RPA1: variants seen among roughly 807,000 people sequenced by gnomAD.
RPA1 encodes the protein replication protein A 70 kDa DNA-binding subunit.
Under a neutral mutation model 83.0 loss-of-function variants are expected in RPA1, and 49 were observed. The observed-to-expected ratio is 0.59, with a 90% CI of 0.47 to 0.75. The LOEUF is 0.75. Ranked by LOEUF, RPA1 falls within the 30% of genes least tolerant of loss-of-function variation. The probability of loss-of-function intolerance (pLI) is 0.00; values close to 1 mark genes in which losing one functional copy is unlikely to be tolerated. For missense variants in RPA1, 693 were observed against 776.1 expected, an observed-to-expected ratio of 0.89 and a Z score of 1.27; for synonymous variants, 279 against 281.8, an observed-to-expected ratio of 0.99 and a Z score of 0.10.
Position 1,888,724 on chromosome 17 carries a change from A to G in RPA1, c.1424A>G (p.Asn475Ser), listed in dbSNP as rs1914090032. 2 of 1,614,224 alleles carry G rather than the reference A, an allele frequency of 1.2e-6. No homozygotes were observed. Among genetic ancestry groups the G allele is most frequent in the Admixed American group, 3.3e-5 (2 of 60,022 alleles). ...VATVVYLRKE[N>S]CMYQACPTQD... is the part of the protein sequence containing the mutation. ...ACAGTGGTGTATCTTCGCAAAGAGA[A>G]CTGCATGTACCAAGCCTGCCCGACT... Residue 475 changes from asparagine to serine, a missense_variant, in exon 14 of 17, where the codon AAC becomes AGC. Physicochemically the swap from Asn to Ser is conservative, Grantham distance 46 (BLOSUM62 1). Transcript: ENST00000254719.
intron 4 of RPA1, among the ~76,000 whole-genome samples, chr17:1,850,977 C>A (rs1171297931): frequency 6.6e-6 from 1 of 152,038 alleles, no homozygotes; most frequent in Non-Finnish European, 1.5e-5. Flanking sequence ...CTTTAAACAT[C>A]TACAAACATA....
chr17:1,847,545 T>A (rs1912308604), intron 4 of RPA1, among the ~76,000 whole-genome samples: 1 of 152,226 alleles, frequency 6.6e-6, no homozygotes, highest in Non-Finnish European at 1.5e-5. Context: ...TGGGTTTATT[T>A]ACTCCTTGCT....
At chr17:1,876,381 C>T (rs776786006) in intron 7 of RPA1, among the ~76,000 whole-genome samples, 3 of 152,080 alleles carry the variant, frequency 2.0e-5, no homozygotes, top group Non-Finnish European at 4.4e-5. Flanking sequence ...ATGGTGAAAC[C>T]GTGTCTCTAC....
intron 1 of RPA1, among the ~76,000 whole-genome samples, chr17:1,836,906 C>T (rs945776009): frequency 2.4e-4 from 36 of 150,710 alleles, no homozygotes; most frequent in African/African-American, 8.5e-4. Flanking sequence ...GGCGCAATCT[C>T]AGCTCACTGC....
At chr17:1,850,054 C>T (rs1912427869) in intron 4 of RPA1, among the ~76,000 whole-genome samples, 1 of 151,200 alleles carries the variant, frequency 6.6e-6, no homozygotes, top group African/African-American at 2.4e-5. Flanking sequence ...TGCCTATAGT[C>T]CCAGCTACTC....
chr17:1,884,819 C>T lies in RPA1; in HGVS notation c.1374+875C>T, dbSNP rs1913931073. ...TGAGCCCAGGAGTTCGACTGAGCAA[C>T]ATGGAAGACCCCTTCTCTTGAAACA... On this transcript the variant is annotated intron_variant, in intron 13 of 16. Transcript: ENST00000254719. This position sits in a 1 kb window ranked among gnomAD's most constrained non-coding sequence, Gnocchi z 4.1. Among the ~76,000 whole-genome samples, 1 of 152,210 alleles carries T rather than the reference C, an allele frequency of 6.6e-6. No individual in the cohort carries two copies. The highest frequency in any genetic ancestry group is 1.5e-5 in the Non-Finnish European group (1 of 68,048).
chr17:1,883,991 A>G, intron 13 of RPA1, 47 bp downstream of exon 13: 5 of 1,605,196 alleles, frequency 3.1e-6, no homozygotes, highest in Non-Finnish European at 4.3e-6. Context: ...TAAAGTGTGC[A>G]GAAGGATGGA....
At chr17:1,882,057 A>G (rs988631336) in intron 12 of RPA1, among the ~76,000 whole-genome samples, 7 of 152,106 alleles carry the variant, frequency 4.6e-5, no homozygotes, top group East Asian at 1.9e-4. Flanking sequence ...AGCTCAGGGT[A>G]ACATCCATTC....
Position 1,897,378 on chromosome 17 carries a change from G to A in RPA1, c.*203G>A. The A allele has an allele frequency of 1.9e-6, 1 of 530,456 alleles. No individual in the cohort carries two copies. 32.9% of individuals were successfully genotyped at this position (530,456 alleles called of 1,614,324 possible). Reference sequence around the variant, plus strand: ...CTCAGGTGGTTGTGGTGTAGACTGTGTCAGGCCTACGGAGTCAGCCAGTGG... The same window carrying A: ...CTCAGGTGGTTGTGGTGTAGACTGTATCAGGCCTACGGAGTCAGCCAGTGG... On this transcript the variant is annotated 3_prime_UTR_variant, in exon 17 of 17. Transcript: ENST00000254719.
intron 1 of RPA1, among the ~76,000 whole-genome samples, chr17:1,835,119 G>T (rs1488938527): frequency 2.0e-5 from 3 of 152,002 alleles, no homozygotes; most frequent in African/African-American, 7.3e-5. Flanking sequence ...CCCAAGTCCT[G>T]GGATTACAGA....
At chr17:1,838,332 A>G (rs911273866) in intron 1 of RPA1, among the ~76,000 whole-genome samples, 1 of 142,494 alleles carries the variant, frequency 7.0e-6, no homozygotes. Flanking sequence ...AGCAGGGTGC[A>G]GTGGCTAACG....
rs770316462 is a variant in RPA1, at chr17:1,888,810, G to A, written c.1510G>A (p.Asp504Asn). The A allele has an allele frequency of 5.6e-6, 9 of 1,614,056 alleles. No homozygotes were observed. The highest frequency in any genetic ancestry group is 1.1e-5 in the South Asian group (1 of 91,064). ...QNGLYRCEKC[D>N]TEFPNFKYRM... The stretch of plus-strand genomic sequence containing the variant: ...TGGATTGTACCGCTGTGAGAAGTGC[G>A]ACACCGAATTTCCCAATTTCAAGTA... The change falls in exon 14 of 17, where the codon GAC (aspartate) becomes AAC (asparagine). Residue 504 changes from aspartate to asparagine, a missense_variant. Transcript: ENST00000254719.
intron 11 of RPA1, among the ~76,000 whole-genome samples, chr17:1,880,114 C>A (rs1490117207): frequency 6.9e-6 from 1 of 145,466 alleles, no homozygotes; most frequent in East Asian, 2.2e-4. Flanking sequence ...ATGGGGCCTT[C>A]AGCACACACA....
chr17:1,834,918 G>A (rs542777538), intron 1 of RPA1, among the ~76,000 whole-genome samples: 97 of 152,204 alleles, frequency 6.4e-4, no homozygotes, highest in South Asian at 3.5e-3. Context: ...CTGGGGTGCA[G>A]AAGCACAATC....
intron 12 of RPA1, among the ~76,000 whole-genome samples, chr17:1,882,209 A>C (rs916024077): frequency 2.0e-5 from 3 of 152,080 alleles, no homozygotes; most frequent in Non-Finnish European, 4.4e-5. Context: ...CTTTTCCTTC[A>C]TATCAATTGA....
At chr17:1,864,997 G>A (rs562058720) in intron 5 of RPA1, among the ~76,000 whole-genome samples, 20 of 152,178 alleles carry the variant, frequency 1.3e-4, no homozygotes, top group Non-Finnish European at 1.9e-4. Context: ...TCCTGTCTTC[G>A]TTTTCCTACC....
At chr17:1,887,373 C>T (rs571094094) in intron 13 of RPA1, among the ~76,000 whole-genome samples, 10 of 151,732 alleles carry the variant, frequency 6.6e-5, no homozygotes, top group African/African-American at 1.7e-4. Context: ...TCCTGACCAA[C>T]GTGGTTAAAA....
intron 1 of RPA1, among the ~76,000 whole-genome samples, chr17:1,839,788 GTTTTT>G (rs71150821): frequency 4.8e-4 from 33 of 68,972 alleles, no homozygotes; most frequent in African/African-American, 1.6e-3. Context: ...CGCCCAGCTA[GTTTTT>G]TTTTTTTTTT....
At chr17:1,835,413 T>G (rs1422993357) in intron 1 of RPA1, among the ~76,000 whole-genome samples, 2 of 152,084 alleles carry the variant, frequency 1.3e-5, no homozygotes, top group Non-Finnish European at 2.9e-5. Flanking sequence ...CTGCCTTGCC[T>G]CCCAAGTCTT....
Sources: allele counts gnomAD v4.1 joint callset (sites outside exome capture counted in the v4.1 genomes callset), GRCh38; gene constraint gnomAD v4.1.1; non-coding constraint Gnocchi (gnomAD v3.1); transcripts MANE v1.5; gene names NCBI Gene and HGNC (gene_info 2026-07-23, HGNC 2026-07-21).